Variants in CNOT6L observed in about 807,000 individuals in gnomAD.
CNOT6L encodes CCR4-NOT transcription complex subunit 6-like.
In CNOT6L, 7 loss-of-function variants were observed where a neutral mutation model predicts 64.0. The observed-to-expected ratio is 0.11, with a 90% confidence interval of 0.06 to 0.21. The LOEUF is 0.21. CNOT6L is among the 10% of genes least tolerant of loss of function. The pLI is 1.00. For missense variants in CNOT6L, 245 were observed against 669.0 expected, an observed-to-expected ratio of 0.37 and a Z score of 6.99; for synonymous variants, 193 against 243.4, an observed-to-expected ratio of 0.79 and a Z score of 1.93.
chr4:77,751,494 G>A lies in CNOT6L; in HGVS notation c.491-3110C>T, dbSNP rs143149878. 5.3e-3 allele frequency among the ~76,000 whole-genome samples: 808 copies of A among 152,204 alleles called. 8 individuals are homozygous for A. Among genetic ancestry groups the A allele is most frequent in the Middle Eastern group, 0.01 (3 of 294 alleles). On this transcript the variant is annotated intron_variant, in intron 5 of 11. Transcript: ENST00000504123. ...TAAAAAAGTATTCTATGAGAGAACA[G>A]GTGAACATTTCCAAATTTATGTGAA...
chr4:77,772,076 T>C (rs1433003607), intron 4 of CNOT6L, among the ~76,000 whole-genome samples: 1 of 152,214 alleles, frequency 6.6e-6, no homozygotes, highest in Non-Finnish European at 1.5e-5. Context: ...CATTTTGGAC[T>C]AACACGTTAC....
Position 77,728,844 on chromosome 4 carries a change from T to TG in CNOT6L, c.1252+9_1252+10insC, listed in dbSNP as rs1385371294. The TG allele has an allele frequency of 1.2e-6, 2 of 1,607,052 alleles. No individual in the cohort carries two copies. Among genetic ancestry groups the TG allele is most frequent in the Non-Finnish European group, 1.7e-6 (2 of 1,173,820 alleles). On this transcript the variant is annotated intron_variant, in intron 10 of 11. Transcript: ENST00000504123. Reference sequence around the variant, plus strand: ...AATTGAAAGCAGTGAGGAAATGATATTATAAATACCTGAATCTGGCAATGA... The same window carrying TG: ...AATTGAAAGCAGTGAGGAAATGATATGTATAAATACCTGAATCTGGCAATGA...
chr4:77,809,218 A>T (rs1732624360), intron 1 of CNOT6L, among the ~76,000 whole-genome samples: 1 of 152,168 alleles, frequency 6.6e-6, no homozygotes, highest in Admixed American at 6.5e-5. Flanking sequence ...TGAGAATCAT[A>T]CTGCCTCTCT....
chr4:77,788,189 C>G (rs557830212), intron 1 of CNOT6L, among the ~76,000 whole-genome samples: 1 of 151,890 alleles, frequency 6.6e-6, no homozygotes, highest in Non-Finnish European at 1.5e-5. Context: ...AAAATGTAAG[C>G]GAACAGTTTT....
chr4:77,727,562 C>CA (rs55848621), intron 10 of CNOT6L, among the ~76,000 whole-genome samples: 105 of 84,592 alleles, frequency 1.2e-3, no homozygotes, highest in Non-Finnish European at 1.9e-3. Flanking sequence ...AACTCTGTCT[C>CA]AAAAAAAAAA....
chr4:77,774,413 G>T, intron 3 of CNOT6L, 117 bp downstream of exon 3: 2 of 817,368 alleles, frequency 2.4e-6, no homozygotes, highest in Non-Finnish European at 3.8e-6. Flanking sequence ...TGCTTAGACA[G>T]TTTATATAAT....
intron 10 of CNOT6L, 38 bp from the exon 11 acceptor site, chr4:77,726,407 T>C: frequency 6.6e-7 from 1 of 1,518,132 alleles, no homozygotes; most frequent in Non-Finnish European, 9.1e-7. Flanking sequence ...ATTTAGCATT[T>C]AGACCTTACA....
At chr4:77,753,214 GAAAA>G (rs533742321) in intron 5 of CNOT6L, among the ~76,000 whole-genome samples, 1 of 122,822 alleles carries the variant, frequency 8.1e-6, no homozygotes, top group Non-Finnish European at 1.8e-5. Flanking sequence ...AACCCAGAAA[GAAAA>G]AAAAAATTCA....
intron 1 of CNOT6L, among the ~76,000 whole-genome samples, chr4:77,800,178 C>A (rs1731356535): frequency 6.6e-6 from 1 of 152,054 alleles, no homozygotes; most frequent in South Asian, 2.1e-4. Context: ...TTTAGCTTTT[C>A]TATTTCTTCA....
chr4:77,798,313 C>T (rs563157483), intron 1 of CNOT6L, among the ~76,000 whole-genome samples: 6 of 151,882 alleles, frequency 4.0e-5, no homozygotes, highest in Non-Finnish European at 8.8e-5. Context: ...GTCTCTAAAA[C>T]AAATAAATAA....
intron 1 of CNOT6L, among the ~76,000 whole-genome samples, chr4:77,818,408 C>G (rs1313223767): frequency 6.6e-6 from 1 of 152,136 alleles, no homozygotes; most frequent in East Asian, 1.9e-4. Context: ...GCCAGTTTCC[C>G]TTTCTTCCTC....
At chr4:77,798,760 G>C (rs1731164849) in intron 1 of CNOT6L, among the ~76,000 whole-genome samples, 2 of 151,712 alleles carry the variant, frequency 1.3e-5, no homozygotes. Flanking sequence ...CGAGGTGGGA[G>C]GATTGCTTGA....
chr4:77,758,685 G>A (rs1048619479), intron 4 of CNOT6L, among the ~76,000 whole-genome samples: 4 of 152,270 alleles, frequency 2.6e-5, no homozygotes, highest in Admixed American at 2.6e-4. Context: ...GAGGCTCCAT[G>A]TAGATTAGCT....
chr4:77,791,880 T>C (rs1398361764), intron 1 of CNOT6L, among the ~76,000 whole-genome samples: 1 of 152,174 alleles, frequency 6.6e-6, no homozygotes, highest in Non-Finnish European at 1.5e-5. Flanking sequence ...CAAGACCATA[T>C]TCCTCCCAGA....
At chr4:77,727,562 C>CAAAAAAAAAAAAAA (rs55848621) in intron 10 of CNOT6L, among the ~76,000 whole-genome samples, 1 of 84,590 alleles carries the variant, frequency 1.2e-5, no homozygotes, top group Non-Finnish European at 2.2e-5. Context: ...AACTCTGTCT[C>CAAAAAAAAAAAAAA]AAAAAAAAAA....
intron 1 of CNOT6L, among the ~76,000 whole-genome samples, chr4:77,777,670 A>G (rs922678103): frequency 6.6e-6 from 1 of 152,220 alleles, no homozygotes; most frequent in Non-Finnish European, 1.5e-5. Flanking sequence ...CTTTGCTCAT[A>G]TATTAACATA....
rs1199737583 is a variant in CNOT6L at position 77,715,625 on chromosome 4, T to C, written c.*4806A>G. On this transcript the variant is annotated 3_prime_UTR_variant, in exon 12 of 12. Coordinates refer to ENST00000504123, the MANE Select transcript of CNOT6L (RefSeq NM_144571.3). Reference sequence around the variant, plus strand: ...CTGGGGTTTAATAGAGACATTTACATAAAAAAGGTATTTGGTTAAAACAAG... The same window carrying C: ...CTGGGGTTTAATAGAGACATTTACACAAAAAAGGTATTTGGTTAAAACAAG... 2 of 152,422 alleles carry C rather than the reference T, an allele frequency of 1.3e-5. No individual in the cohort carries two copies. Among genetic ancestry groups the C allele is most frequent in the South Asian group, 2.1e-4 (1 of 4,826 alleles). 9.4% of individuals were successfully genotyped at this position (152,422 alleles called of 1,614,324 possible). A position where few individuals can be genotyped will look rare whatever the true frequency, so the allele number is the denominator to read the frequency against.
At chr4:77,806,657 C>T (rs922295331) in intron 1 of CNOT6L, among the ~76,000 whole-genome samples, 1 of 152,084 alleles carries the variant, frequency 6.6e-6, no homozygotes, top group Non-Finnish European at 1.5e-5. Flanking sequence ...ATTTAAAAAA[C>T]ACCTGCTGCT....
intron 8 of CNOT6L, among the ~76,000 whole-genome samples, chr4:77,737,970 A>G (rs1723163653): frequency 6.6e-6 from 1 of 152,178 alleles, no homozygotes; most frequent in Non-Finnish European, 1.5e-5. Flanking sequence ...AATAACTGAG[A>G]GACCAGTGAG....
Sources: allele counts gnomAD v4.1 joint callset (sites outside exome capture counted in the v4.1 genomes callset), GRCh38; gene constraint gnomAD v4.1.1; transcripts MANE v1.5; gene names NCBI Gene and HGNC (gene_info 2026-07-23, HGNC 2026-07-21).